Variants in TMEM117 observed in about 807,000 individuals in gnomAD.
TMEM117 encodes transmembrane protein 117.
In TMEM117, 27 loss-of-function variants were observed where a neutral mutation model predicts 52.4. That is an observed-to-expected ratio of 0.51 (90% confidence interval 0.38 to 0.71). The LOEUF (loss-of-function observed/expected upper bound fraction) is 0.71. Ranked by LOEUF, TMEM117 falls within the 30% of genes least tolerant of loss-of-function variation. The probability of loss-of-function intolerance (pLI) is 0.00; values close to 1 mark genes in which losing one functional copy is unlikely to be tolerated. For missense variants in TMEM117, 556 were observed against 630.5 expected (o/e 0.88, Z 1.26); for synonymous variants, 215 against 206.3 (o/e 1.04, Z -0.36).
At chr12:44,261,536 A>G (rs531632894) in intron 5 of TMEM117, among the ~76,000 whole-genome samples, 3 of 152,128 alleles carry the variant, frequency 2.0e-5, no homozygotes, top group Non-Finnish European at 4.4e-5. Context: ...TTTATATTTT[A>G]AAAAAACTTG....
At chr12:43,942,289 T>C (rs1055511119) in intron 2 of TMEM117, among the ~76,000 whole-genome samples, 7 of 152,364 alleles carry the variant, frequency 4.6e-5, no homozygotes, top group African/African-American at 1.7e-4. Flanking sequence ...GTTCAATGAA[T>C]GAATAAATAT....
intron 2 of TMEM117, among the ~76,000 whole-genome samples, chr12:43,926,099 T>C (rs1013455286): frequency 6.6e-6 from 1 of 152,220 alleles, no homozygotes; most frequent in Non-Finnish European, 1.5e-5. Flanking sequence ...TATATCTAAA[T>C]TTTGGTCTTA....
chr12:43,805,200 A>G, the TMEM117 span, among the ~76,000 whole-genome samples: 3 of 152,224 alleles, frequency 2.0e-5, no homozygotes, highest in South Asian at 2.1e-4. Context: ...TGTGTTGTCT[A>G]TTAGCAGCAA....
intron 3 of TMEM117, among the ~76,000 whole-genome samples, chr12:44,080,646 A>G (rs1161834650): frequency 1.3e-5 from 2 of 152,172 alleles, no homozygotes; most frequent in African/African-American, 4.8e-5. Context: ...CTGTTTTGGC[A>G]TGGTCTGTGA....
At chr12:44,241,768 C>T (rs916383769) in intron 5 of TMEM117, among the ~76,000 whole-genome samples, 1 of 151,938 alleles carries the variant, frequency 6.6e-6, no homozygotes, top group African/African-American at 2.4e-5. Context: ...TCATCTTCCC[C>T]CACAGTTTTG....
chr12:43,995,803 A>G (rs1946021038), intron 3 of TMEM117, among the ~76,000 whole-genome samples: 1 of 152,244 alleles, frequency 6.6e-6, no homozygotes, highest in Non-Finnish European at 1.5e-5. Flanking sequence ...AAACAATAAC[A>G]GTAATATGAT....
In TMEM117 at chr12:43,946,378, G is replaced by GTTT. The variant is rs1244597058; in HGVS notation, c.410+2050_410+2052dup. ...AGAAGCTGACTTTTGATATAATTCT[G>GTTT]TTTTTTTTTTTTTTTTGTTTGTTTT... On this transcript the variant is annotated intron_variant, in intron 3 of 7. Transcript: ENST00000266534. Among the ~76,000 whole-genome samples the GTTT allele has an allele frequency of 1.7e-3, 192 of 113,432 alleles. 1 individual carries two copies. The highest frequency in any genetic ancestry group is 2.2e-3 in the Non-Finnish European group (125 of 57,408). 74.4% of individuals were successfully genotyped at this position (113,432 alleles called of 152,430 possible).
intron 2 of TMEM117, among the ~76,000 whole-genome samples, chr12:43,903,535 A>C (rs569001910): frequency 1.3e-5 from 2 of 152,360 alleles, no homozygotes; most frequent in Non-Finnish European, 2.9e-5. Context: ...AGAATATTTG[A>C]AAAATATCTA....
chr12:43,986,425 G>A (rs1430896874), intron 3 of TMEM117, among the ~76,000 whole-genome samples: 1 of 152,022 alleles, frequency 6.6e-6, no homozygotes, highest in Admixed American at 6.6e-5. Context: ...TTTTCCATCA[G>A]CACTTTGAAG....
intron 4 of TMEM117, among the ~76,000 whole-genome samples, chr12:44,174,849 T>C (rs76064804): frequency 0.01 from 1,529 of 152,154 alleles, 10 homozygotes; most frequent in African/African-American, 0.016. Context: ...GTAAAACCTC[T>C]CGAAAAAAGT....
At chr12:44,250,551 C>G (rs922465034) in intron 5 of TMEM117, among the ~76,000 whole-genome samples, 4 of 152,124 alleles carry the variant, frequency 2.6e-5, no homozygotes, top group African/African-American at 7.2e-5. Context: ...ATGTTTATTG[C>G]AGCAGTATTT....
At chr12:44,158,287 C>T (rs1948853680) in intron 4 of TMEM117, among the ~76,000 whole-genome samples, 1 of 152,094 alleles carries the variant, frequency 6.6e-6, no homozygotes, top group Non-Finnish European at 1.5e-5. Flanking sequence ...GGTGTGACAA[C>T]AAAAGAATTC....
chr12:43,996,014 T>G (rs1457355546), intron 3 of TMEM117, among the ~76,000 whole-genome samples: 3 of 152,198 alleles, frequency 2.0e-5, no homozygotes. Flanking sequence ...TGAGCCTGTC[T>G]TAATGTGTTG....
At chr12:43,945,288 C>G (rs1428761137) in intron 3 of TMEM117, among the ~76,000 whole-genome samples, 1 of 152,038 alleles carries the variant, frequency 6.6e-6, no homozygotes, top group Non-Finnish European at 1.5e-5. Context: ...AAGGATTGGT[C>G]TTTCAGTATA....
chr12:43,970,888 G>A (rs1420609288), intron 3 of TMEM117, among the ~76,000 whole-genome samples: 1 of 151,512 alleles, frequency 6.6e-6, no homozygotes, highest in Non-Finnish European at 1.5e-5. Flanking sequence ...AAATATGTAT[G>A]TCTACCCTTG....
chr12:44,343,848 G>A (rs1951448939), intron 6 of TMEM117, among the ~76,000 whole-genome samples: 2 of 152,094 alleles, frequency 1.3e-5, no homozygotes, highest in South Asian at 4.1e-4. Context: ...GTCTCCACTG[G>A]ACTATTTCAA....
intron 6 of TMEM117, among the ~76,000 whole-genome samples, chr12:44,353,614 T>C (rs1202062731): frequency 9.2e-5 from 14 of 152,248 alleles, no homozygotes; most frequent in Admixed American, 5.2e-4. Context: ...TGTAGATATG[T>C]GGCATTATTT....
chr12:43,894,473 G>GTTGGTTGTACAGATTATTTC (rs1400201563), intron 2 of TMEM117, among the ~76,000 whole-genome samples: 1 of 151,932 alleles, frequency 6.6e-6, no homozygotes, highest in African/African-American at 2.4e-5. Flanking sequence ...TGTCATGGGG[G>GTTGGTTGTACAGATTATTTC]TTGGTTGTAC....
the TMEM117 span, chr12:43,805,971 ATTTCCTTCG>A: frequency 6.5e-7 from 1 of 1,544,994 alleles, no homozygotes; most frequent in African/African-American, 1.4e-5. Flanking sequence ...TCGAAAGCCA[ATTTCCTTCG>A]CTCCCCCGAA....
Sources: gnomAD v4.1 joint callset for allele counts (sites outside exome capture counted in the v4.1 genomes callset) on GRCh38, gnomAD v4.1.1 for gene constraint, MANE v1.5 for transcripts, NCBI Gene and HGNC (gene_info 2026-07-23, HGNC 2026-07-21) for gene names.